Variants in KANSL1L observed in about 807,000 individuals in gnomAD.
KANSL1L encodes KAT8 regulatory NSL complex subunit 1-like protein.
KANSL1L carries 25 observed loss-of-function variants against 108.6 expected under a neutral mutation model. That is an observed-to-expected ratio of 0.23 (90% CI 0.17 to 0.32). The LOEUF (loss-of-function observed/expected upper bound fraction) is 0.32. KANSL1L is among the 10% of genes least tolerant of loss of function. KANSL1L has a pLI of 1.00. For missense variants in KANSL1L, 1,137 were observed against 1,125.7 expected, an observed-to-expected ratio of 1.01 and a Z score of -0.14; for synonymous variants, 405 against 395.1, an observed-to-expected ratio of 1.03 and a Z score of -0.30.
intron 6 of KANSL1L, among the ~76,000 whole-genome samples, chr2:210,056,650 T>C (rs934611049): frequency 1.6e-4 from 24 of 152,110 alleles, no homozygotes; most frequent in Non-Finnish European, 1.2e-4. Flanking sequence ...CCAGCTAATT[T>C]TTATATTTTT....
chr2:210,052,739 C>T (rs1030091024), intron 6 of KANSL1L, among the ~76,000 whole-genome samples: 1 of 152,288 alleles, frequency 6.6e-6, no homozygotes. Flanking sequence ...CTGTCATGTT[C>T]ACCACAGTAT....
chr2:210,054,626 TCA>T (rs2094329661), intron 6 of KANSL1L, among the ~76,000 whole-genome samples: 1 of 152,082 alleles, frequency 6.6e-6, no homozygotes, highest in Non-Finnish European at 1.5e-5. Context: ...CATGAAAAAC[TCA>T]CAGTTTATAT....
At chr2:210,046,591 C>T (rs1302832101) in intron 6 of KANSL1L, among the ~76,000 whole-genome samples, 1 of 152,048 alleles carries the variant, frequency 6.6e-6, no homozygotes, top group East Asian at 1.9e-4. Context: ...CCTGAAGGCT[C>T]CAGAATAACC....
intron 4 of KANSL1L, 56 bp from the exon 5 acceptor site, chr2:210,098,263 C>T: frequency 6.4e-7 from 1 of 1,558,866 alleles, no homozygotes; most frequent in Non-Finnish European, 8.8e-7. Flanking sequence ...TGAGTTAAAG[C>T]TCAGATGCAT....
chr2:210,165,191 A>AC (rs1687867738), intron 1 of KANSL1L, among the ~76,000 whole-genome samples: 1 of 151,752 alleles, frequency 6.6e-6, no homozygotes, highest in South Asian at 2.1e-4. Context: ...AAAAAACCAA[A>AC]AAACAAAAAA....
rs1462451007 is a variant in KANSL1L at position 210,027,345 on chromosome 2, C to T, written c.2402G>A (p.Arg801Lys). Residue 801 changes from arginine (R) to lysine (K), a missense_variant, in exon 12 of 15, where the codon AGG becomes AAG. Coordinates refer to ENST00000281772, the MANE Select transcript of KANSL1L (RefSeq NM_152519.4). ...ATCCAAAGGCTGAAGAACAACCATC[C>T]TCCAGCTGTTGAAGATAAAAACCAA... Reference protein sequence around the residue: ...QYKEILTPSWRMVVLQPLDEY... With the variant: ...QYKEILTPSWKMVVLQPLDEY... The T allele has an allele frequency of 3.1e-6, 5 of 1,612,350 alleles. No individual in the cohort carries two copies. The South Asian group carries it at 5.5e-5, about 18-fold the overall frequency.
chr2:210,151,310 C>G (rs1473667324), intron 2 of KANSL1L: 3 of 152,186 alleles, frequency 2.0e-5, no homozygotes, highest in Admixed American at 2.0e-4. Context: ...CGTGAGCCAC[C>G]AAGCCCTGCC....
intron 1 of KANSL1L, among the ~76,000 whole-genome samples, chr2:210,162,397 T>TAGG (rs1428140047): frequency 6.6e-6 from 1 of 151,780 alleles, no homozygotes; most frequent in Non-Finnish European, 1.5e-5. Flanking sequence ...TGGTGCTATT[T>TAGG]TCTGACCTAA....
intron 8 of KANSL1L, among the ~76,000 whole-genome samples, chr2:210,037,335 A>G (rs1168365777): frequency 6.6e-6 from 1 of 152,182 alleles, no homozygotes; most frequent in Non-Finnish European, 1.5e-5. Context: ...TTATCATCAT[A>G]ATGATAATGC....
intron 2 of KANSL1L, among the ~76,000 whole-genome samples, chr2:210,134,006 T>C (rs2095151486): frequency 6.6e-6 from 1 of 152,158 alleles, no homozygotes; most frequent in African/African-American, 2.4e-5. Flanking sequence ...GGAAATGTCA[T>C]TTTGTCTCTG....
rs2094014885 is a variant in KANSL1L, at chr2:210,031,433, C to T, written c.2143G>A (p.Glu715Lys). 1.3e-6 allele frequency: 2 copies of T among 1,599,230 alleles called. No individual in the cohort carries two copies. Among genetic ancestry groups the T allele is most frequent in the Non-Finnish European group, 1.7e-6 (2 of 1,168,896 alleles). ...LQGRKKRHLS[E>K]TALGERTKLE... Reference sequence around the variant, plus strand: ...CACTTTAACCTACCTAATGCTGTTTCACTCAAATGTCTTTTCTTTCTTCCC... The same window carrying T: ...CACTTTAACCTACCTAATGCTGTTTTACTCAAATGTCTTTTCTTTCTTCCC... The change falls in exon 9 of 15, where the codon GAA becomes AAA. Residue 715 changes from glutamate (E) to lysine (K), a missense_variant. Coordinates refer to ENST00000281772, the MANE Select transcript of KANSL1L (RefSeq NM_152519.4).
At chr2:210,094,610 A>T (rs564425053) in intron 5 of KANSL1L, among the ~76,000 whole-genome samples, 1 of 152,220 alleles carries the variant, frequency 6.6e-6, no homozygotes, top group East Asian at 1.9e-4. Context: ...ATATAATGCT[A>T]TAATATAAAA....
chr2:210,054,330 A>C (rs2125240953), intron 6 of KANSL1L, among the ~76,000 whole-genome samples: 1 of 151,932 alleles, frequency 6.6e-6, no homozygotes, highest in Admixed American at 6.6e-5. Flanking sequence ...TCAAAAAAAA[A>C]AAAAAAAAAA....
At chr2:210,027,422 C>T in intron 11 of KANSL1L, 72 bp from the exon 12 acceptor site, 3 of 952,368 alleles carry the variant, frequency 3.2e-6, no homozygotes, top group South Asian at 2.7e-5. Context: ...CTCAGCACAG[C>T]TAAATGTATT....
At chr2:210,093,664 T>C (rs924404586) in intron 5 of KANSL1L, among the ~76,000 whole-genome samples, 3 of 152,190 alleles carry the variant, frequency 2.0e-5, no homozygotes, top group African/African-American at 7.2e-5. Context: ...ATTTGCTAAT[T>C]TCTAATTTTT....
intron 1 of KANSL1L, among the ~76,000 whole-genome samples, chr2:210,167,910 CAT>C (rs1416644191): frequency 2.0e-5 from 3 of 151,994 alleles, no homozygotes; most frequent in African/African-American, 7.2e-5. Context: ...GTTTATCCCA[CAT>C]GATTAGGGAA....
Position 210,154,276 on chromosome 2 carries a change from C to T in KANSL1L, c.307G>A (p.Glu103Lys). 3 of 1,613,482 alleles carry T rather than the reference C, an allele frequency of 1.9e-6. No homozygotes were observed. The highest frequency in any genetic ancestry group is 2.5e-6 in the Non-Finnish European group (3 of 1,179,776). ...TTTTTCAGCTTATTGCAACTGGGCT[C>T]CCCTAATTTCTTTTGTTTATAATTC... Reference protein sequence around the residue: ...NENYKQKKLGEPSCNKLKNIL... With the variant: ...NENYKQKKLGKPSCNKLKNIL... Residue 103 changes from glutamate to lysine, a missense_variant, in exon 2 of 15, where the codon GAG (glutamate) becomes AAG (lysine). Glu to Lys is a moderately conservative substitution (Grantham distance 56, BLOSUM62 1). Transcript: ENST00000281772.
At chr2:210,055,371 A>G (rs1046018058) in intron 6 of KANSL1L, among the ~76,000 whole-genome samples, 1 of 152,204 alleles carries the variant, frequency 6.6e-6, no homozygotes, top group Non-Finnish European at 1.5e-5. Flanking sequence ...TGGTACTGCA[A>G]AGAGTGAGGT....
At chr2:210,164,315 T>C (rs2095375910) in intron 1 of KANSL1L, among the ~76,000 whole-genome samples, 1 of 152,194 alleles carries the variant, frequency 6.6e-6, no homozygotes, top group Non-Finnish European at 1.5e-5. Flanking sequence ...TATAGTATTC[T>C]AGGCTTTATG....
Sources: gnomAD v4.1 joint callset for allele counts (sites outside exome capture counted in the v4.1 genomes callset) on GRCh38, gnomAD v4.1.1 for gene constraint, MANE v1.5 for transcripts, NCBI Gene and HGNC (gene_info 2026-07-23, HGNC 2026-07-21) for gene names.